Variants in CLDN16 observed in about 807,000 individuals in gnomAD.
CLDN16 encodes the protein claudin-16.
A neutral mutation model predicts 24.6 loss-of-function variants in CLDN16; 13 were observed. The observed-to-expected ratio is 0.53, with a 90% confidence interval of 0.34 to 0.84. CLDN16 has a LOEUF of 0.84. Ranked by LOEUF, CLDN16 falls within the 40% of genes least tolerant of loss-of-function variation. The pLI, the probability that CLDN16 is intolerant of heterozygous loss-of-function variation, is 0.01. For synonymous variants in CLDN16, 116 were observed against 106.7 expected, an observed-to-expected ratio of 1.09 and a Z score of -0.54; for missense variants, 298 against 292.7, an observed-to-expected ratio of 1.02 and a Z score of -0.13.
intron 1 of CLDN16, among the ~76,000 whole-genome samples, chr3:190,358,074 G>T (rs1717814449): frequency 1.3e-5 from 2 of 151,330 alleles, no homozygotes. Context: ...GGCACGTATT[G>T]GTGGATAAGC....
chr3:190,400,029 C>A lies in CLDN16; in HGVS notation c.115-2308C>A, dbSNP rs1441225780. Reference sequence around the variant, plus strand: ...CAGTTTCATCCAAAAGCATCCCCAACCCCCTACCCACTGGTTCCATGGAAA... The same window carrying A: ...CAGTTTCATCCAAAAGCATCCCCAAACCCCTACCCACTGGTTCCATGGAAA... On this transcript the variant is annotated intron_variant, in intron 1 of 4. Transcript: ENST00000264734. Among the ~76,000 whole-genome samples, 3 of 152,142 alleles carry A rather than the reference C, an allele frequency of 2.0e-5. No homozygotes were observed. In the East Asian group the frequency reaches 5.8e-4, roughly 29 times the overall value.
chr3:190,363,861 T>C (rs1158529897), intron 1 of CLDN16, among the ~76,000 whole-genome samples: 2 of 151,754 alleles, frequency 1.3e-5, no homozygotes, highest in Non-Finnish European at 2.9e-5. Flanking sequence ...TTCTCAAATC[T>C]AATCTTCCTC....
chr3:190,387,709 T>G (rs962185512), upstream of CLDN16, among the ~76,000 whole-genome samples: 2 of 152,190 alleles, frequency 1.3e-5, no homozygotes, highest in African/African-American at 4.8e-5. Flanking sequence ...GCCCAGGTGC[T>G]ACAAGTCCTT....
At chr3:190,334,196 T>A (rs769935394) in intron 1 of CLDN16, among the ~76,000 whole-genome samples, 89 of 152,220 alleles carry the variant, frequency 5.8e-4, no homozygotes, top group Admixed American at 1.4e-3. Flanking sequence ...AGAGTGATTG[T>A]TGTTAGGATA....
At chr3:190,333,297 T>C (rs1271682325) in intron 1 of CLDN16, among the ~76,000 whole-genome samples, 1 of 152,176 alleles carries the variant, frequency 6.6e-6, no homozygotes, top group East Asian at 1.9e-4. Flanking sequence ...TGTGTTAAAA[T>C]AATTTATTTT....
At chr3:190,308,116 A>G in the CLDN16 span, 1 of 812,828 alleles carries the variant, frequency 1.2e-6, no homozygotes, top group Non-Finnish European at 2.0e-6. Context: ...CATGTTTAGC[A>G]CTGAGTATTT....
chr3:190,388,017 A>T, upstream of CLDN16: 1 of 1,104,230 alleles, frequency 9.1e-7, no homozygotes, highest in Non-Finnish European at 1.3e-6. Context: ...ACTAGCCCAC[A>T]GTTGGGTCAG....
At position 190,408,622 on chromosome 3, in the gene CLDN16, A is replaced by G. The variant is rs7647553; in HGVS notation, c.574+117A>G. On this transcript the variant is annotated intron_variant, in intron 4 of 4. Coordinates refer to ENST00000264734, the MANE Select transcript of CLDN16 (RefSeq NM_006580.4). The stretch of plus-strand genomic sequence containing the variant: ...TTTATTTGAATTCCTACCTATTGCC[A>G]TTAAAAATTCCAATTGTTCAAGGGC... 0.023 allele frequency: 22,109 copies of G among 958,534 alleles called. 1,288 individuals carry two copies. Among genetic ancestry groups the G allele is most frequent in the African/African-American group, 0.16 (9,547 of 60,732 alleles). 59.4% of individuals were successfully genotyped at this position (958,534 alleles called of 1,614,324 possible).
chr3:190,304,324 A>G, the CLDN16 span, among the ~76,000 whole-genome samples: 1 of 152,094 alleles, frequency 6.6e-6, no homozygotes, highest in Non-Finnish European at 1.5e-5. Flanking sequence ...TCCACCTAAC[A>G]TCCTTTGTAC....
chr3:190,335,023 C>CTTTTTTTTTTTTTTTTTTTTTT (rs57744577), intron 1 of CLDN16, among the ~76,000 whole-genome samples: 3 of 134,394 alleles, frequency 2.2e-5, no homozygotes, highest in East Asian at 2.2e-4. Context: ...TTTCTTTTTT[C>CTTTTTTTTTTTTTTTTTTTTTT]TTTTTTTTTT....
intron 1 of CLDN16, among the ~76,000 whole-genome samples, chr3:190,331,420 G>A (rs1226813079): frequency 1.3e-5 from 2 of 152,162 alleles, no homozygotes; most frequent in African/African-American, 2.4e-5. Context: ...TCCTAGGCAG[G>A]ATATAGAAAG....
the CLDN16 span, among the ~76,000 whole-genome samples, chr3:190,302,537 A>T: frequency 1.3e-5 from 2 of 152,134 alleles, no homozygotes; most frequent in Non-Finnish European, 2.9e-5. Context: ...TGGGAGGCTG[A>T]GGTGGGTGGA....
the CLDN16 span, chr3:190,310,153 G>T: frequency 3.7e-6 from 6 of 1,602,410 alleles, no homozygotes; most frequent in Non-Finnish European, 5.1e-6. Context: ...ACTATTTTAC[G>T]CCTGAATAGC....
chr3:190,332,551 AAATTTTTC>A (rs1426080925), intron 1 of CLDN16, among the ~76,000 whole-genome samples: 1 of 152,186 alleles, frequency 6.6e-6, no homozygotes, highest in Non-Finnish European at 1.5e-5. Context: ...CTAAGGATTT[AAATTTTTC>A]AGGTAGATAA....
intron 3 of CLDN16, among the ~76,000 whole-genome samples, chr3:190,405,675 T>A (rs985755732): frequency 6.6e-6 from 1 of 152,262 alleles, no homozygotes; most frequent in East Asian, 1.9e-4. Context: ...TTGTCCCACG[T>A]ACTAACCCAT....
chr3:190,312,558 G>T, the CLDN16 span, among the ~76,000 whole-genome samples: 1 of 152,144 alleles, frequency 6.6e-6, no homozygotes, highest in African/African-American at 2.4e-5. Context: ...AGACACCATA[G>T]GAATTATCTG....
chr3:190,296,706 C>T, the CLDN16 span, among the ~76,000 whole-genome samples: 1 of 151,998 alleles, frequency 6.6e-6, no homozygotes, highest in Non-Finnish European at 1.5e-5. Flanking sequence ...ACTGCCACCA[C>T]GCCCGGCTAA....
intron 2 of CLDN16, 38 bp from the exon 3 acceptor site, chr3:190,404,724 T>C: frequency 1.2e-6 from 2 of 1,610,180 alleles, no homozygotes; most frequent in Non-Finnish European, 1.7e-6. Context: ...TGGTTCCTTC[T>C]TCTGACTCTG....
intron 1 of CLDN16, among the ~76,000 whole-genome samples, chr3:190,351,590 A>G (rs1172090555): frequency 6.6e-6 from 1 of 152,222 alleles, no homozygotes; most frequent in African/African-American, 2.4e-5. Context: ...CATTGAATTA[A>G]TAGAACATTT....
Sources: gnomAD v4.1 joint callset for allele counts (sites outside exome capture counted in the v4.1 genomes callset) on GRCh38, gnomAD v4.1.1 for gene constraint, MANE v1.5 for transcripts, NCBI Gene and HGNC (gene_info 2026-07-23, HGNC 2026-07-21) for gene names.